Variants in EYS observed in about 807,000 individuals in gnomAD.
EYS encodes the protein EGF-like photoreceptor maintenance factor.
EYS carries 250 observed loss-of-function variants against 282.1 expected under a neutral mutation model. The ratio of observed to expected loss-of-function variants is 0.89; its 90% CI spans 0.80 to 0.98. The LOEUF (loss-of-function observed/expected upper bound fraction) is 0.98, where lower values mean the gene tolerates loss of function less well. Ranked by LOEUF, EYS falls within the 50% of genes least tolerant of loss-of-function variation. The probability of loss-of-function intolerance (pLI) is 0.00; values close to 1 mark genes in which losing one functional copy is unlikely to be tolerated. For synonymous variants in EYS, 1,355 were observed against 1,282.9 expected (o/e 1.06, Z -1.20); for missense variants, 4,016 against 3,709.0 (o/e 1.08, Z -2.15).
chr6:65,066,784 G>A (rs77718622), intron 12 of EYS, among the ~76,000 whole-genome samples: 1 of 152,230 alleles, frequency 6.6e-6, no homozygotes, highest in East Asian at 1.9e-4. Context: ...TGCAGTGAAA[G>A]TAATTAATTC....
intron 19 of EYS, among the ~76,000 whole-genome samples, chr6:64,851,228 A>G (rs1765871696): frequency 6.6e-6 from 1 of 152,128 alleles, no homozygotes; most frequent in African/African-American, 2.4e-5. Context: ...ACATCAAGCC[A>G]GAAAGAATTA....
intron 5 of EYS, among the ~76,000 whole-genome samples, chr6:65,458,874 A>C (rs1352259071): frequency 1.3e-5 from 2 of 152,100 alleles, no homozygotes; most frequent in Non-Finnish European, 2.9e-5. Context: ...ATAAAACATC[A>C]TTGCAGGTAC....
chr6:64,287,561 G>A (rs1047042038), intron 30 of EYS, among the ~76,000 whole-genome samples: 1 of 152,032 alleles, frequency 6.6e-6, no homozygotes, highest in African/African-American at 2.4e-5. Flanking sequence ...GCCTTGAAAA[G>A]TTCTACCCTT....
intron 12 of EYS, among the ~76,000 whole-genome samples, chr6:65,226,399 A>G (rs904515283): frequency 3.3e-5 from 5 of 152,188 alleles, no homozygotes; most frequent in Admixed American, 3.3e-4. Flanking sequence ...AAATGAAAAT[A>G]CATCCTGTGC....
At chr6:63,855,064 G>T (rs1474428512) in intron 36 of EYS, among the ~76,000 whole-genome samples, 1 of 152,214 alleles carries the variant, frequency 6.6e-6, no homozygotes, top group African/African-American at 2.4e-5. Context: ...ATGTGAGAAA[G>T]AAGAATTCCT....
chr6:63,893,865 C>G (rs947344661), intron 35 of EYS, among the ~76,000 whole-genome samples: 108 of 152,174 alleles, frequency 7.1e-4, no homozygotes, highest in African/African-American at 2.6e-3. Flanking sequence ...TTGATCAATC[C>G]TATTTGAAAT....
chr6:64,642,512 C>T (rs1237726069), intron 22 of EYS, among the ~76,000 whole-genome samples: 3 of 152,182 alleles, frequency 2.0e-5, no homozygotes, highest in East Asian at 1.9e-4. Context: ...AGAGATATGA[C>T]ATAGCCCTTT....
chr6:65,472,519 A>G (rs1372330250), intron 5 of EYS, among the ~76,000 whole-genome samples: 2 of 152,090 alleles, frequency 1.3e-5, no homozygotes, highest in Admixed American at 6.5e-5. Context: ...ACATGCCTTG[A>G]ATTTCCTGAA....
chr6:63,857,673 A>G, intron 36 of EYS: 1 of 448,306 alleles, frequency 2.2e-6, no homozygotes, highest in South Asian at 1.7e-5. Flanking sequence ...CTCAAGCACT[A>G]CTTGTTTGCC....
In EYS at chr6:65,212,163, G is replaced by A. The variant is rs1222096945; in HGVS notation, c.2023+83700C>T. On this transcript the variant is annotated intron_variant, in intron 12 of 42. Coordinates refer to ENST00000503581, the MANE Select transcript of EYS (RefSeq NM_001142800.2). ...GCTGGAAATAAAGTTTTGTAATAAT[G>A]CCATTAAAATGGATGGAGATGGGAA... Among the ~76,000 whole-genome samples, 2 of 152,032 alleles carry A rather than the reference G, an allele frequency of 1.3e-5. 1 individual carries two copies. Among genetic ancestry groups the A allele is most frequent in the African/African-American group, 4.8e-5 (2 of 41,416 alleles).
intron 21 of EYS, among the ~76,000 whole-genome samples, chr6:64,818,097 A>G (rs531358224): frequency 1.1e-4 from 16 of 152,282 alleles, no homozygotes; most frequent in African/African-American, 3.8e-4. Context: ...TGATATCTTA[A>G]AAATAATACT....
At chr6:65,222,031 C>A (rs767047819) in intron 12 of EYS, among the ~76,000 whole-genome samples, 1 of 152,098 alleles carries the variant, frequency 6.6e-6, no homozygotes, top group Non-Finnish European at 1.5e-5. Context: ...AATGCCTGTA[C>A]CCCCATTATA....
intron 41 of EYS, among the ~76,000 whole-genome samples, chr6:63,752,527 C>A (rs1184738700): frequency 7.2e-6 from 1 of 139,510 alleles, no homozygotes; most frequent in African/African-American, 2.7e-5. Context: ...GAGTCTCACT[C>A]TGTCACCCAG....
rs548990390 is a variant in EYS, at chr6:63,763,331, TG to T, written c.7899-699del. On this transcript the variant is annotated intron_variant, in intron 40 of 42. Transcript: ENST00000503581. ...GGGAGGAGCCCAGCAGAAAACTTTC[TG>T]ATAGACCCATCAAAGGCAGAGTTGT... Among the ~76,000 whole-genome samples, 786 of 152,130 alleles carry T rather than the reference TG, an allele frequency of 5.2e-3. 7 individuals carry two copies. Among genetic ancestry groups the T allele is most frequent in the African/African-American group, 0.018 (750 of 41,540 alleles).
At chr6:64,341,645 ATTTACCCCCTC>A (rs1160777085) in intron 29 of EYS, among the ~76,000 whole-genome samples, 1 of 151,712 alleles carries the variant, frequency 6.6e-6, no homozygotes, top group African/African-American at 2.4e-5. Flanking sequence ...TAATTCTCAC[ATTTACCCCCTC>A]TTTATTGTAA....
intron 30 of EYS, among the ~76,000 whole-genome samples, chr6:64,245,045 T>A (rs1487673993): frequency 1.4e-5 from 2 of 144,888 alleles, no homozygotes; most frequent in African/African-American, 5.1e-5. Flanking sequence ...TTCTCATTGT[T>A]CAGTTCCTAC....
At chr6:64,331,424 C>A (rs186270728) in intron 29 of EYS, among the ~76,000 whole-genome samples, 2 of 152,106 alleles carry the variant, frequency 1.3e-5, no homozygotes, top group African/African-American at 2.4e-5. Flanking sequence ...GCTGCAATGA[C>A]AGAGGTAACT....
At position 63,984,043 on chromosome 6, in the gene EYS, A is replaced by G. The variant is rs1056073875; in HGVS notation, c.7055+340T>C. On this transcript the variant is annotated intron_variant, in intron 35 of 42. Coordinates refer to ENST00000503581, the MANE Select transcript of EYS (RefSeq NM_001142800.2). Reference sequence around the variant, plus strand: ...AATATAAAAAATTAATAAATATATCAAAACCATCACCAATGAATAATAGCC... The same window carrying G: ...AATATAAAAAATTAATAAATATATCGAAACCATCACCAATGAATAATAGCC... Among the ~76,000 whole-genome samples the G allele has an allele frequency of 3.3e-5, 5 of 151,662 alleles. 1 individual carries two copies. The highest frequency in any genetic ancestry group is 6.6e-5 in the Admixed American group (1 of 15,216).
chr6:63,954,019 A>G (rs973004807), intron 35 of EYS, among the ~76,000 whole-genome samples: 5 of 152,136 alleles, frequency 3.3e-5, no homozygotes, highest in African/African-American at 1.2e-4. Flanking sequence ...CCTGATGCAT[A>G]TACTTTCTGC....
Sources: gnomAD v4.1 joint callset for allele counts (sites outside exome capture counted in the v4.1 genomes callset) on GRCh38, gnomAD v4.1.1 for gene constraint, MANE v1.5 for transcripts, NCBI Gene and HGNC (gene_info 2026-07-23, HGNC 2026-07-21) for gene names.